Variants in KIAA0930 observed in about 807,000 individuals in gnomAD.
KIAA0930 encodes the protein KIAA0930.
Under a neutral mutation model 43.9 loss-of-function variants are expected in KIAA0930, and 24 were observed. The ratio of observed to expected loss-of-function variants is 0.55; its 90% CI spans 0.40 to 0.77. The LOEUF is 0.77. KIAA0930 is among the 30% of genes least tolerant of loss of function. The pLI is 0.00. For missense variants in KIAA0930, 461 were observed against 574.2 expected (o/e 0.80, Z 2.02); for synonymous variants, 259 against 216.4 (o/e 1.20, Z -1.73).
chr22:45,228,838 C>T (rs1233359631), intron 1 of KIAA0930, among the ~76,000 whole-genome samples: 18 of 99,544 alleles, frequency 1.8e-4, no homozygotes, highest in African/African-American at 4.3e-4. Flanking sequence ...ACCACTCACC[C>T]GAAAGATCCC....
At chr22:45,208,127 C>G (rs1301675531) in intron 2 of KIAA0930, among the ~76,000 whole-genome samples, 1 of 152,192 alleles carries the variant, frequency 6.6e-6, no homozygotes, top group African/African-American at 2.4e-5. Context: ...TGGGAGCTGC[C>G]CGGTACCCAC....
intron 1 of KIAA0930, among the ~76,000 whole-genome samples, chr22:45,221,144 C>T (rs1233477625): frequency 2.0e-5 from 3 of 152,150 alleles, no homozygotes; most frequent in Non-Finnish European, 2.9e-5. Context: ...ATTGCAAATC[C>T]CACCCTCAAT....
chr22:45,227,244 T>A (rs140268824), intron 1 of KIAA0930, among the ~76,000 whole-genome samples: 1 of 152,184 alleles, frequency 6.6e-6, no homozygotes, highest in Non-Finnish European at 1.5e-5. Flanking sequence ...CGGCTCTGCC[T>A]TCCCAGGGGT....
chr22:45,203,824 G>A (rs199718262), intron 6 of KIAA0930, 21 bp downstream of exon 6: 50 of 1,611,998 alleles, frequency 3.1e-5, no homozygotes, highest in South Asian at 7.7e-5. Flanking sequence ...AAGAACACCC[G>A]TGAGGCCGCC....
chr22:45,209,121 TC>T (rs1404590346), intron 2 of KIAA0930, among the ~76,000 whole-genome samples: 6 of 152,160 alleles, frequency 3.9e-5, no homozygotes, highest in African/African-American at 1.4e-4. Flanking sequence ...TGGCATCCTG[TC>T]CCCCTGACAC....
At chr22:45,201,094 G>A (rs925088602) in intron 7 of KIAA0930, 7 of 459,546 alleles carry the variant, frequency 1.5e-5, no homozygotes, top group Non-Finnish European at 2.7e-5. Flanking sequence ...TCCTCGTCAC[G>A]GCTCCGACAT....
At chr22:45,221,182 T>C (rs2083765470) in intron 1 of KIAA0930, among the ~76,000 whole-genome samples, 1 of 152,220 alleles carries the variant, frequency 6.6e-6, no homozygotes, top group South Asian at 2.1e-4. Flanking sequence ...CAGCTTGATT[T>C]TTCTCCACAG....
chr22:45,216,667 C>T (rs923781479), intron 1 of KIAA0930, among the ~76,000 whole-genome samples: 3 of 152,130 alleles, frequency 2.0e-5, no homozygotes, highest in African/African-American at 7.2e-5. Context: ...GGGTCACAAG[C>T]CCCGGGAGCT....
intron 7 of KIAA0930, chr22:45,200,835 A>ATACAT (rs992349694): frequency 2.1e-6 from 1 of 466,906 alleles, no homozygotes; most frequent in African/African-American, 2.0e-5. Flanking sequence ...ACAGAGAAAG[A>ATACAT]GAAGCACAGG....
chr22:45,225,700 C>T (rs545377593), intron 1 of KIAA0930, among the ~76,000 whole-genome samples: 3 of 152,328 alleles, frequency 2.0e-5, no homozygotes, highest in Admixed American at 6.5e-5. Flanking sequence ...GTCACCCCCT[C>T]GGGGTGCCTT....
rs1462844874 is a variant in KIAA0930 at position 45,201,945 on chromosome 22, A to T, written c.852+1045T>A. On this transcript the variant is annotated intron_variant, in intron 7 of 9. Transcript: ENST00000336156. ...GTCAACAGCAACTACTGCAGCTGCC[A>T]CCTGGGAATCCTCCTGAGGGCCAAG... Among the ~76,000 whole-genome samples, 3 of 152,124 alleles carry T rather than the reference A, an allele frequency of 2.0e-5. No individual in the cohort carries two copies. In the East Asian group the frequency reaches 5.8e-4, roughly 29 times the overall value.
intron 5 of KIAA0930, among the ~76,000 whole-genome samples, chr22:45,204,540 GGACAT>G (rs1308612834): frequency 1.3e-5 from 2 of 152,148 alleles, no homozygotes; most frequent in African/African-American, 4.8e-5. Flanking sequence ...CCTGGGGAGG[GGACAT>G]GACCTCCCTG....
intron 1 of KIAA0930, among the ~76,000 whole-genome samples, chr22:45,216,644 C>A (rs2083734430): frequency 6.6e-6 from 1 of 152,136 alleles, no homozygotes. Context: ...GGCTGCCGAG[C>A]AAGAAATCCC....
At chr22:45,235,700 G>A (rs565246311) in intron 1 of KIAA0930, among the ~76,000 whole-genome samples, 2 of 152,302 alleles carry the variant, frequency 1.3e-5, no homozygotes, top group South Asian at 2.1e-4. Context: ...CCACACCAGG[G>A]ATTTGTGCTG....
Position 45,203,875 on chromosome 22 carries a change from G to A in KIAA0930, c.627C>T (p.Tyr209=), listed in dbSNP as rs759091591. The change falls in exon 6 of 10, where the codon TAC becomes TAT. Residue 209 remains tyrosine, a synonymous_variant. Transcript: ENST00000336156. ...QGVIFQGSIR[Y]EALKKVYDNR... The stretch of plus-strand genomic sequence containing the variant: ...TGTCATACACCTTCTTGAGCGCCTC[G>A]TAGCGGATGGAGCCCTGAAAGATGA... 1.6e-5 allele frequency: 26 copies of A among 1,613,984 alleles called. No homozygotes were observed. The highest frequency in any genetic ancestry group is 2.7e-5 in the African/African-American group (2 of 74,920).
rs778318539 is a variant in KIAA0930 at position 45,197,921 on chromosome 22, C to T, written c.1043G>A (p.Arg348Gln). 4 of 1,614,152 alleles carry T rather than the reference C, an allele frequency of 2.5e-6. No homozygotes were observed. Among genetic ancestry groups the T allele is most frequent in the South Asian group, 1.1e-5 (1 of 91,082 alleles). The stretch of plus-strand genomic sequence containing the variant: ...TCCTGTGCCCGACAGGGACCGAGAC[C>T]GCAGGTTGGTTGCATTGTGCAGATC... ...GADLHNATNL[R>Q]SRSLSGTGRS... is the part of the protein sequence containing the mutation. The change falls in exon 9 of 10, where the codon CGG becomes CAG. Residue 348 changes from arginine to glutamine, a missense_variant. Coordinates refer to ENST00000336156, the MANE Select transcript of KIAA0930 (RefSeq NM_001009880.2).
At chr22:45,229,285 G>C (rs118007858) in intron 1 of KIAA0930, among the ~76,000 whole-genome samples, 191 of 1,680 alleles carry the variant, frequency 0.11, 1 homozygote, top group Non-Finnish European at 0.15. Context: ...CTCCACCCCC[G>C]CCATCACCAC....
intron 1 of KIAA0930, among the ~76,000 whole-genome samples, chr22:45,223,958 G>A (rs1483318055): frequency 1.3e-5 from 2 of 152,128 alleles, no homozygotes; most frequent in Admixed American, 6.5e-5. Flanking sequence ...CACCCAGGGT[G>A]GGAAAGTATT....
intron 2 of KIAA0930, among the ~76,000 whole-genome samples, chr22:45,208,702 T>G (rs2083664287): frequency 6.6e-6 from 1 of 152,226 alleles, no homozygotes; most frequent in Non-Finnish European, 1.5e-5. Context: ...AGAATCAAAC[T>G]GTGTACACGT....
Sources: gnomAD v4.1 joint callset for allele counts (sites outside exome capture counted in the v4.1 genomes callset) on GRCh38, gnomAD v4.1.1 for gene constraint, MANE v1.5 for transcripts, NCBI Gene and HGNC (gene_info 2026-07-23, HGNC 2026-07-21) for gene names.